CACNA2D1: variants seen among roughly 807,000 people sequenced by gnomAD.
The protein encoded by CACNA2D1 is calcium voltage-gated channel auxiliary subunit alpha2delta 1.
CACNA2D1 carries 53 observed loss-of-function variants against 171.5 expected under a neutral mutation model. The observed-to-expected ratio is 0.31, with a 90% CI of 0.25 to 0.39. The LOEUF (loss-of-function observed/expected upper bound fraction) is 0.39, where lower values mean the gene tolerates loss of function less well. Ranked by LOEUF, CACNA2D1 falls within the 10% of genes least tolerant of loss-of-function variation. The pLI is 1.00. For synonymous variants in CACNA2D1, 442 were observed against 443.1 expected (o/e 1.00, Z 0.03); for missense variants, 903 against 1,299.8 (o/e 0.69, Z 4.69).
chr7:82,203,925 G>A (rs957905889), intron 3 of CACNA2D1, among the ~76,000 whole-genome samples: 1 of 152,166 alleles, frequency 6.6e-6, no homozygotes, highest in Non-Finnish European at 1.5e-5. Context: ...TAGCAAAGTG[G>A]GGCACCTACT....
At chr7:82,156,705 TA>T (rs1396053022) in intron 4 of CACNA2D1, among the ~76,000 whole-genome samples, 44 of 152,132 alleles carry the variant, frequency 2.9e-4, no homozygotes, top group African/African-American at 8.2e-4. Flanking sequence ...AACGTTTTTT[TA>T]AATCTTTTTC....
At chr7:82,218,163 T>C (rs936918626) in intron 3 of CACNA2D1, among the ~76,000 whole-genome samples, 147 of 152,160 alleles carry the variant, frequency 9.7e-4, no homozygotes, top group African/African-American at 3.3e-3. Context: ...CTCGATCTCC[T>C]GACCTCGTGA....
At chr7:81,961,144 T>G (rs1794068062) in intron 36 of CACNA2D1, among the ~76,000 whole-genome samples, 1 of 151,906 alleles carries the variant, frequency 6.6e-6, no homozygotes, top group South Asian at 2.1e-4. Flanking sequence ...TCCCTCCACC[T>G]CTAAAAACAA....
intron 3 of CACNA2D1, among the ~76,000 whole-genome samples, chr7:82,332,516 A>AAG (rs1554514842): frequency 5.7e-5 from 5 of 87,334 alleles, no homozygotes; most frequent in African/African-American, 2.1e-4. Context: ...AATATAAAGA[A>AAG]AGAAAGAAAG....
chr7:82,172,628 T>C (rs1260926654), intron 3 of CACNA2D1, among the ~76,000 whole-genome samples: 1 of 141,452 alleles, frequency 7.1e-6, no homozygotes, highest in East Asian at 2.1e-4. Flanking sequence ...TTTTTTTTTT[T>C]TTTTTTTTTT....
rs115974910 is a variant in CACNA2D1, at chr7:82,218,903, T to C, written c.295-48294A>G. Among the ~76,000 whole-genome samples, 276 of 152,232 alleles carry C rather than the reference T, an allele frequency of 1.8e-3. 1 individual carries two copies. The highest frequency in any genetic ancestry group is 5.5e-3 in the African/African-American group (229 of 41,568). On this transcript the variant is annotated intron_variant, in intron 3 of 38. Transcript: ENST00000356860. Reference sequence around the variant, plus strand: ...TTAATTTTTAAATATTTCTATATTATCAAAATAAAAATATTAGCCTATATT... The same window carrying C: ...TTAATTTTTAAATATTTCTATATTACCAAAATAAAAATATTAGCCTATATT...
At chr7:82,169,386 C>T (rs17155965) in intron 4 of CACNA2D1, among the ~76,000 whole-genome samples, 9,781 of 151,870 alleles carry the variant, frequency 0.064, 661 homozygotes, top group African/African-American at 0.17. Flanking sequence ...ATGATCAGTT[C>T]AGTAGAGAAT....
At chr7:81,975,719 C>T (rs1253517029) in intron 24 of CACNA2D1, among the ~76,000 whole-genome samples, 2 of 152,054 alleles carry the variant, frequency 1.3e-5, no homozygotes, top group African/African-American at 2.4e-5. Context: ...GAGTTGTGTA[C>T]AACTTCCAAA....
intron 25 of CACNA2D1, among the ~76,000 whole-genome samples, chr7:81,973,947 G>T (rs1248833814): frequency 2.6e-5 from 4 of 151,800 alleles, no homozygotes; most frequent in Admixed American, 6.6e-5. Flanking sequence ...AAAAATTACA[G>T]AAGCATAATT....
chr7:82,138,426 G>GT (rs1159205363), intron 4 of CACNA2D1, among the ~76,000 whole-genome samples: 23 of 101,306 alleles, frequency 2.3e-4, no homozygotes, highest in African/African-American at 5.7e-4. Flanking sequence ...TATAGCATTA[G>GT]TTTTGTTTTT....
At chr7:81,960,021 G>A (rs1321698365) in intron 36 of CACNA2D1, among the ~76,000 whole-genome samples, 192 bp from the exon 37 acceptor site, 1 of 151,992 alleles carries the variant, frequency 6.6e-6, no homozygotes, top group Non-Finnish European at 1.5e-5. Flanking sequence ...TATTACCTAT[G>A]TCAAATGAAT....
intron 21 of CACNA2D1, among the ~76,000 whole-genome samples, chr7:81,990,526 A>C (rs2130733274): frequency 6.6e-6 from 1 of 152,046 alleles, no homozygotes; most frequent in Admixed American, 6.6e-5. Flanking sequence ...TCATGAGATT[A>C]AAAGATGGGA....
intron 3 of CACNA2D1, among the ~76,000 whole-genome samples, chr7:82,196,096 C>A (rs1798827613): frequency 6.6e-6 from 1 of 151,988 alleles, no homozygotes; most frequent in South Asian, 2.1e-4. Flanking sequence ...CATCTTGATC[C>A]CCCTACCCAC....
At chr7:82,133,153 C>A (rs1015017932) in intron 5 of CACNA2D1, among the ~76,000 whole-genome samples, 1 of 152,128 alleles carries the variant, frequency 6.6e-6, no homozygotes, top group African/African-American at 2.4e-5. Flanking sequence ...CAATGACAGC[C>A]TTAAACATGG....
chr7:82,293,818 T>C (rs561056128), intron 3 of CACNA2D1, among the ~76,000 whole-genome samples: 22 of 152,318 alleles, frequency 1.4e-4, no homozygotes, highest in African/African-American at 4.8e-4. Flanking sequence ...CCCAGCTTTT[T>C]AAAGGCAGCT....
rs71520795 is a variant in CACNA2D1, at chr7:82,022,222, AACAC to A, written c.1144-7747_1144-7744del. Among the ~76,000 whole-genome samples, 1,011 of 145,828 alleles carry A rather than the reference AACAC, an allele frequency of 6.9e-3. 7 individuals are homozygous for A. Among genetic ancestry groups the A allele is most frequent in the African/African-American group, 0.015 (603 of 40,170 alleles). ...GTAAATAAATGTTATCAGAGACAAG[AACAC>A]ACACACACACACACACACACACACA... is the stretch of plus-strand genomic sequence containing the variant. On this transcript the variant is annotated intron_variant, in intron 12 of 38. Transcript: ENST00000356860.
chr7:82,063,754 C>T (rs781220684), intron 9 of CACNA2D1, among the ~76,000 whole-genome samples: 3 of 152,042 alleles, frequency 2.0e-5, no homozygotes, highest in Non-Finnish European at 2.9e-5. Context: ...TGTACACTTG[C>T]AAACATACAC....
intron 21 of CACNA2D1, among the ~76,000 whole-genome samples, chr7:81,990,793 T>C (rs991833133): frequency 7.9e-5 from 12 of 152,130 alleles, no homozygotes; most frequent in African/African-American, 2.9e-4. Context: ...GTAAATTATA[T>C]CAACTAAACA....
intron 7 of CACNA2D1, among the ~76,000 whole-genome samples, chr7:82,079,760 T>G (rs35397188): frequency 0.35 from 51,656 of 149,562 alleles, 9,879 homozygotes; most frequent in Non-Finnish European, 0.43. Flanking sequence ...AAAGACTGGG[T>G]TGGTTACAAG....
Sources: allele counts gnomAD v4.1 joint callset (sites outside exome capture counted in the v4.1 genomes callset), GRCh38; gene constraint gnomAD v4.1.1; transcripts MANE v1.5; gene names NCBI Gene and HGNC (gene_info 2026-07-23, HGNC 2026-07-21).